The following CSMD1 variants were observed in gnomAD, a reference collection of about 807,000 sequenced individuals.
CSMD1 encodes CUB and sushi domain-containing protein 1.
Under a neutral mutation model 417.5 loss-of-function variants are expected in CSMD1, and 213 were observed. That is an observed-to-expected ratio of 0.51 (90% confidence interval 0.46 to 0.57). The LOEUF is 0.57. Ranked by LOEUF, CSMD1 falls within the 20% of genes least tolerant of loss-of-function variation. The pLI is 0.00. For missense variants in CSMD1, 6,923 were observed against 4,529.7 expected (o/e 1.53, Z -15.17); for synonymous variants, 2,862 against 1,736.8 (o/e 1.65, Z -16.11).
intron 5 of CSMD1, among the ~76,000 whole-genome samples, chr8:3,823,523 T>G (rs1311237168): frequency 6.6e-6 from 1 of 152,196 alleles, no homozygotes; most frequent in Non-Finnish European, 1.5e-5. Flanking sequence ...AACATTTTGT[T>G]ATAAAAATAA....
At chr8:4,416,339 C>G (rs1796937089) in intron 3 of CSMD1, among the ~76,000 whole-genome samples, 1 of 152,086 alleles carries the variant, frequency 6.6e-6, no homozygotes, top group East Asian at 1.9e-4. Flanking sequence ...AAAAGTCAAC[C>G]TAAATTATTG....
At chr8:4,063,660 G>C (rs963921766) in intron 3 of CSMD1, among the ~76,000 whole-genome samples, 1 of 152,160 alleles carries the variant, frequency 6.6e-6, no homozygotes, top group Non-Finnish European at 1.5e-5. Context: ...CCTCCCTGAG[G>C]GGCATTCTAC....
chr8:4,840,670 G>A (rs1432483498), intron 1 of CSMD1, among the ~76,000 whole-genome samples: 1 of 152,162 alleles, frequency 6.6e-6, no homozygotes, highest in Non-Finnish European at 1.5e-5. Context: ...CCCAAAAAAG[G>A]TGCCTGTTAT....
intron 5 of CSMD1, among the ~76,000 whole-genome samples, chr8:3,896,579 T>C (rs796898285): frequency 7.9e-5 from 12 of 151,948 alleles, no homozygotes; most frequent in African/African-American, 2.7e-4. Flanking sequence ...TGGCGTGATC[T>C]CGGCTCACCG....
At chr8:3,827,523 C>A (rs943795948) in intron 5 of CSMD1, among the ~76,000 whole-genome samples, 1 of 152,134 alleles carries the variant, frequency 6.6e-6, no homozygotes, top group Non-Finnish European at 1.5e-5. Context: ...CTAGGTTTCC[C>A]CAAGGCACTG....
intron 3 of CSMD1, among the ~76,000 whole-genome samples, chr8:4,216,171 A>G (rs181430011): frequency 5.9e-5 from 9 of 152,264 alleles, no homozygotes; most frequent in Non-Finnish European, 8.8e-5. Flanking sequence ...GGACCAGCCT[A>G]TGACACTTGT....
intron 1 of CSMD1, among the ~76,000 whole-genome samples, chr8:4,809,903 GT>G (rs1373713063): frequency 1.3e-5 from 2 of 152,162 alleles, no homozygotes; most frequent in Non-Finnish European, 2.9e-5. Flanking sequence ...TCAAATCCAA[GT>G]CCGGCCACTT....
At chr8:3,071,600 C>G (rs6982612) in intron 49 of CSMD1, among the ~76,000 whole-genome samples, 66,888 of 152,002 alleles carry the variant, frequency 0.44, 14,941 homozygotes, top group African/African-American at 0.48. Context: ...TTTTCAACCT[C>G]AAGTGGATTA....
At chr8:3,338,078 G>C (rs1348928652) in intron 23 of CSMD1, among the ~76,000 whole-genome samples, 1 of 152,184 alleles carries the variant, frequency 6.6e-6, no homozygotes. Context: ...TGTGGGATTG[G>C]AATTGTGTCC....
intron 5 of CSMD1, among the ~76,000 whole-genome samples, chr8:3,841,720 T>C (rs1267187000): frequency 1.3e-5 from 2 of 152,120 alleles, no homozygotes; most frequent in Non-Finnish European, 2.9e-5. Context: ...ATATCAAAAC[T>C]ACAATAGTTC....
rs547602019 is a variant in CSMD1 at position 3,387,342 on chromosome 8, A to T, written c.2782+152T>A. ...GGTAGGTAAACTTCAAATGATCGGG[A>T]ATGATACGATGATGGTATACAACTT... On this transcript the variant is annotated intron_variant, in intron 18 of 69. Transcript: ENST00000635120. Among the ~76,000 whole-genome samples the T allele has an allele frequency of 3.9e-5, 6 of 152,196 alleles. No individual in the cohort carries two copies. In the East Asian group the frequency reaches 1.2e-3, roughly 29 times the overall value.
chr8:3,847,678 C>T (rs531074624), intron 5 of CSMD1, among the ~76,000 whole-genome samples: 81 of 152,144 alleles, frequency 5.3e-4, no homozygotes, highest in Non-Finnish European at 9.3e-4. Context: ...TGGTCATTTG[C>T]TACTCAGCCA....
At chr8:3,342,790 G>A (rs911303472) in intron 23 of CSMD1, among the ~76,000 whole-genome samples, 9 of 152,086 alleles carry the variant, frequency 5.9e-5, no homozygotes, top group East Asian at 3.9e-4. Flanking sequence ...TAGTTCTCTC[G>A]TCTCAAAAAT....
chr8:4,306,076 TGAGA>T (rs1798227297), intron 3 of CSMD1, among the ~76,000 whole-genome samples: 1 of 152,206 alleles, frequency 6.6e-6, no homozygotes, highest in African/African-American at 2.4e-5. Flanking sequence ...TTTATGATTG[TGAGA>T]AATGTTATAA....
At chr8:3,524,250 GACAT>G (rs1348912677) in intron 10 of CSMD1, among the ~76,000 whole-genome samples, 2 of 140,172 alleles carry the variant, frequency 1.4e-5, no homozygotes, top group Non-Finnish European at 3.1e-5. Context: ...CACACCCAGA[GACAT>G]ACACACAAGC....
intron 3 of CSMD1, among the ~76,000 whole-genome samples, chr8:4,313,743 C>T (rs1798761767): frequency 6.6e-6 from 1 of 152,068 alleles, no homozygotes; most frequent in South Asian, 2.1e-4. Flanking sequence ...AGGCCGGGCA[C>T]AGTGGCTCAC....
At chr8:3,979,343 G>A (rs773039403) in intron 5 of CSMD1, among the ~76,000 whole-genome samples, 3 of 152,204 alleles carry the variant, frequency 2.0e-5, no homozygotes, top group Non-Finnish European at 4.4e-5. Context: ...TGTGATGGCT[G>A]TTCTAAGGCA....
Position 4,787,784 on chromosome 8 carries a change from G to A in CSMD1, c.86-150226C>T, listed in dbSNP as rs1404843717. On this transcript the variant is annotated intron_variant, in intron 1 of 69. Coordinates refer to ENST00000635120, the MANE Select transcript of CSMD1 (RefSeq NM_033225.6). ...TTTTGCTTCGCTGGACTTGTTACAG[G>A]CCAGACTGAATTGGATATCATGAGT... 5.7e-6 allele frequency: 9 copies of A among 1,573,012 alleles called. No homozygotes were observed. The East Asian group carries it at 1.1e-4, about 20-fold the overall frequency.
rs563440306 is a variant in CSMD1 at position 4,494,101 on chromosome 8, G to C, written c.303-74036C>G. Among the ~76,000 whole-genome samples, 5 of 152,272 alleles carry C rather than the reference G, an allele frequency of 3.3e-5. No homozygotes were observed. In the East Asian group the frequency reaches 9.7e-4, roughly 29 times the overall value. ...GACAACACAAGGCTTCCAAAGGGAG[G>C]TGTAGAAAAATGAAGAGAGTTAGAG... On this transcript the variant is annotated intron_variant, in intron 2 of 69. Transcript: ENST00000635120.
Sources: gnomAD v4.1 joint callset for allele counts (sites outside exome capture counted in the v4.1 genomes callset) on GRCh38, gnomAD v4.1.1 for gene constraint, MANE v1.5 for transcripts, NCBI Gene and HGNC (gene_info 2026-07-23, HGNC 2026-07-21) for gene names.